The following MAPKAP1 variants were observed in gnomAD, a reference collection of about 807,000 sequenced individuals.
MAPKAP1 encodes target of rapamycin complex 2 subunit MAPKAP1.
In MAPKAP1, 20 loss-of-function variants were observed where a neutral mutation model predicts 65.7. The observed-to-expected ratio is 0.30, with a 90% CI of 0.21 to 0.44. The LOEUF is 0.44. Ranked by LOEUF, MAPKAP1 falls within the 20% of genes least tolerant of loss-of-function variation. The probability of loss-of-function intolerance (pLI) is 1.00; values close to 1 mark genes in which losing one functional copy is unlikely to be tolerated. For synonymous variants in MAPKAP1, 222 were observed against 244.3 expected, an observed-to-expected ratio of 0.91 and a Z score of 0.85; for missense variants, 423 against 648.0, an observed-to-expected ratio of 0.65 and a Z score of 3.77.
intron 4 of MAPKAP1, chr9:125,596,313 G>A (rs1193943586): frequency 5.3e-6 from 4 of 760,074 alleles, no homozygotes; most frequent in Non-Finnish European, 9.6e-6. Flanking sequence ...TGACAACTTT[G>A]GTCATGGAGG....
intron 3 of MAPKAP1, among the ~76,000 whole-genome samples, chr9:125,659,496 T>C (rs1301403193): frequency 1.3e-5 from 2 of 152,134 alleles, no homozygotes; most frequent in South Asian, 2.1e-4. Flanking sequence ...AAGAGAACTT[T>C]TGCATGCTCT....
At chr9:125,498,320 C>G (rs1010662422) in intron 8 of MAPKAP1, among the ~76,000 whole-genome samples, 3 of 152,176 alleles carry the variant, frequency 2.0e-5, no homozygotes, top group African/African-American at 7.2e-5. Context: ...GTTGTTTTAT[C>G]AACAATCTCA....
At chr9:125,598,526 AC>A (rs1832206443) in intron 4 of MAPKAP1, among the ~76,000 whole-genome samples, 1 of 152,148 alleles carries the variant, frequency 6.6e-6, no homozygotes, top group Non-Finnish European at 1.5e-5. Flanking sequence ...TGATCTGGGT[AC>A]CTCCAGGATC....
At chr9:125,487,704 T>C (rs975856649) in intron 8 of MAPKAP1, among the ~76,000 whole-genome samples, 7 of 151,012 alleles carry the variant, frequency 4.6e-5, no homozygotes, top group Non-Finnish European at 1.0e-4. Flanking sequence ...TAACGTGACA[T>C]ATAATTTTTT....
At chr9:125,468,413 G>A (rs1415087264) in intron 9 of MAPKAP1, among the ~76,000 whole-genome samples, 3 of 152,172 alleles carry the variant, frequency 2.0e-5, no homozygotes, top group Non-Finnish European at 4.4e-5. Flanking sequence ...ACACAGAGAG[G>A]CTATTTACAG....
chr9:125,495,434 C>A (rs1336184234), intron 8 of MAPKAP1, among the ~76,000 whole-genome samples: 1 of 152,180 alleles, frequency 6.6e-6, no homozygotes, highest in Non-Finnish European at 1.5e-5. Context: ...ATCAAACATG[C>A]TTCCTTACTG....
chr9:125,601,919 C>CAA (rs1292863696), intron 4 of MAPKAP1, among the ~76,000 whole-genome samples: 1 of 152,184 alleles, frequency 6.6e-6, no homozygotes, highest in African/African-American at 2.4e-5. Flanking sequence ...GATACAACTG[C>CAA]AAAGAGCCAA....
chr9:125,438,813 G>A lies in MAPKAP1; in HGVS notation c.*74C>T, dbSNP rs564098391. ...CTCCCCCCGAGGACTTCAGGACACC[G>A]GGTGGACTCTAGGGCACTTGGCCCT... is the stretch of plus-strand genomic sequence containing the variant. On this transcript the variant is annotated 3_prime_UTR_variant, in exon 12 of 12. Transcript: ENST00000265960. 64 of 1,592,564 alleles carry A rather than the reference G, an allele frequency of 4.0e-5. No individual in the cohort carries two copies. Among genetic ancestry groups the A allele is most frequent in the African/African-American group, 1.1e-4 (8 of 74,572 alleles).
chr9:125,654,839 A>T (rs906253783), intron 4 of MAPKAP1, among the ~76,000 whole-genome samples: 1 of 152,214 alleles, frequency 6.6e-6, no homozygotes, highest in African/African-American at 2.4e-5. Flanking sequence ...CTTTCTTCAG[A>T]TCTAACACTA....
intron 10 of MAPKAP1, among the ~76,000 whole-genome samples, chr9:125,463,171 G>A (rs552601527): frequency 2.0e-4 from 30 of 152,318 alleles, no homozygotes; most frequent in South Asian, 1.7e-3. Context: ...GCCTATTACC[G>A]CGTTAACATT....
intron 1 of MAPKAP1, among the ~76,000 whole-genome samples, chr9:125,689,942 G>C (rs1835116510): frequency 6.6e-6 from 1 of 151,638 alleles, no homozygotes; most frequent in East Asian, 1.9e-4. Context: ...TACAAAATTA[G>C]TTGGGCATTG....
chr9:125,503,880 C>CTTTTTTTTTGTTTTTTTTTTTT (rs1829058100), intron 8 of MAPKAP1, among the ~76,000 whole-genome samples: 1 of 66,258 alleles, frequency 1.5e-5, no homozygotes, highest in Non-Finnish European at 2.5e-5. Flanking sequence ...CCACGCTTGG[C>CTTTTTTTTTGTTTTTTTTTTTT]TTTTTTTTTT....
In MAPKAP1 at chr9:125,510,188, G is replaced by A. The variant is rs569098277; in HGVS notation, c.959-3771C>T. ...TCACAAAGGTAAAAAGTAGGAAGGG[G>A]GAAAAATGAAACCCATGGGGGTCTT... On this transcript the variant is annotated intron_variant, in intron 7 of 11. Transcript: ENST00000265960. Among the ~76,000 whole-genome samples, 14 of 152,226 alleles carry A rather than the reference G, an allele frequency of 9.2e-5. 1 individual carries two copies. The highest frequency in any genetic ancestry group is 9.2e-4 in the Admixed American group (14 of 15,292).
At chr9:125,454,668 T>G (rs1853100301) in intron 10 of MAPKAP1, among the ~76,000 whole-genome samples, 1 of 152,236 alleles carries the variant, frequency 6.6e-6, no homozygotes, top group Non-Finnish European at 1.5e-5. Flanking sequence ...GGAATGCTCT[T>G]TAATAGTTTT....
chr9:125,468,757 G>GC (rs1345123386), intron 9 of MAPKAP1, among the ~76,000 whole-genome samples: 2 of 152,296 alleles, frequency 1.3e-5, no homozygotes, highest in South Asian at 2.1e-4. Context: ...AGAGGTCATT[G>GC]CCCCCCTGCT....
chr9:125,635,011 C>T (rs1334878467), intron 4 of MAPKAP1, among the ~76,000 whole-genome samples: 1 of 152,196 alleles, frequency 6.6e-6, no homozygotes, highest in Non-Finnish European at 1.5e-5. Flanking sequence ...AATGTCATCT[C>T]CTCTCCAGTT....
chr9:125,595,636 G>A lies in MAPKAP1; in HGVS notation c.499-9909C>T, dbSNP rs1564574654. The A allele has an allele frequency of 6.9e-7, 1 of 1,451,196 alleles. No individual in the cohort carries two copies. Among genetic ancestry groups the A allele is most frequent in the East Asian group, 2.6e-5 (1 of 37,870 alleles). The allele number at this position is 1,451,196 out of a possible 1,614,324, so 89.9% of individuals were successfully genotyped here. On this transcript the variant is annotated intron_variant, in intron 4 of 11. Coordinates refer to ENST00000265960, the MANE Select transcript of MAPKAP1 (RefSeq NM_001006617.3). The surrounding 1 kb of genome is among the most constrained non-coding windows in gnomAD (Gnocchi z 4.0). ...CCTTTCTGCCTGTGGACACGCCAAG[G>A]AAGCATCGTTAAAGTCTCTCTTCTC...
intron 7 of MAPKAP1, among the ~76,000 whole-genome samples, chr9:125,539,605 GC>G (rs1830180691): frequency 6.6e-6 from 1 of 152,214 alleles, no homozygotes; most frequent in Non-Finnish European, 1.5e-5. Flanking sequence ...GTGAGGGTAA[GC>G]TTGACAGAGG....
chr9:125,560,591 ATAAAAT>A (rs1360860810), intron 5 of MAPKAP1, among the ~76,000 whole-genome samples: 1 of 152,226 alleles, frequency 6.6e-6, no homozygotes. Context: ...TCTCAAAAAA[ATAAAAT>A]TAAAATTAAA....
Sources: gnomAD v4.1 joint callset for allele counts (sites outside exome capture counted in the v4.1 genomes callset) on GRCh38, gnomAD v4.1.1 for gene constraint, Gnocchi (gnomAD v3.1) non-coding constraint, MANE v1.5 for transcripts, NCBI Gene and HGNC (gene_info 2026-07-23, HGNC 2026-07-21) for gene names.